The following DDX46 variants were observed in gnomAD, a reference collection of about 807,000 sequenced individuals.
The protein encoded by DDX46 is probable ATP-dependent RNA helicase DDX46.
In DDX46, 30 loss-of-function variants were observed where a neutral mutation model predicts 134.9. The ratio of observed to expected loss-of-function variants is 0.22; its 90% confidence interval spans 0.17 to 0.30. The LOEUF is 0.30. Ranked by LOEUF, DDX46 falls within the 10% of genes least tolerant of loss-of-function variation. DDX46 has a pLI of 1.00. For synonymous variants in DDX46, 415 were observed against 404.1 expected, an observed-to-expected ratio of 1.03 and a Z score of -0.32; for missense variants, 622 against 1,248.7, an observed-to-expected ratio of 0.50 and a Z score of 7.56.
intron 21 of DDX46, among the ~76,000 whole-genome samples, chr5:134,820,864 C>CTTTTTTTT (rs1180909732): frequency 1.6e-4 from 20 of 123,228 alleles, no homozygotes; most frequent in African/African-American, 5.6e-4. Context: ...CTTTTCTTTT[C>CTTTTTTTT]TTTTTTTTTT....
chr5:134,787,548 T>A (rs2150144409), intron 11 of DDX46, among the ~76,000 whole-genome samples: 1 of 152,362 alleles, frequency 6.6e-6, no homozygotes, highest in South Asian at 2.1e-4. Context: ...TCAAATTACT[T>A]CATTTTCTAA....
rs1445913239 is a variant in DDX46 at position 134,784,672 on chromosome 5, C to T, written c.1342+131C>T. The stretch of plus-strand genomic sequence containing the variant: ...ATGTACATTTTCTTTATCAATTTGG[C>T]ACTTTGGGGCTGATTTCCCCTTACC... On this transcript the variant is annotated intron_variant, in intron 10 of 22. Transcript: ENST00000452510. 1.2e-5 allele frequency: 12 copies of T among 988,136 alleles called. 1 individual carries two copies. The highest frequency in any genetic ancestry group is 1.7e-5 in the African/African-American group (1 of 59,912). The allele number at this position is 988,136 out of a possible 1,614,324, so 61.2% of individuals were successfully genotyped here. A position where few individuals can be genotyped will look rare whatever the true frequency, so the allele number is the denominator to read the frequency against.
chr5:134,811,583 G>C (rs746429997), intron 17 of DDX46, 113 bp from the exon 18 acceptor site: 28 of 1,212,644 alleles, frequency 2.3e-5, no homozygotes, highest in Non-Finnish European at 2.9e-5. Flanking sequence ...CATGCTAGAT[G>C]AAGTGTTTTT....
chr5:134,785,445 T>C lies in DDX46; in HGVS notation c.1343-20T>C. On this transcript the variant is annotated intron_variant, in intron 10 of 22. Coordinates refer to ENST00000452510, the MANE Select transcript of DDX46 (RefSeq NM_001300860.2). ...TTAAGAATTTTGGTGGTTAGGCTAC[T>C]GATGTATTTATCTTTCCAGCTGTCA... The C allele has an allele frequency of 6.2e-7, 1 of 1,609,368 alleles. No homozygotes were observed.
At chr5:134,780,324 CAG>C in intron 6 of DDX46, among the ~76,000 whole-genome samples, 1 of 150,282 alleles carries the variant, frequency 6.7e-6, no homozygotes, top group South Asian at 2.1e-4. Context: ...AGCACTTTTG[CAG>C]GGGCTGAGGT....
At chr5:134,804,924 T>C in intron 15 of DDX46, 1 of 348,248 alleles carries the variant, frequency 2.9e-6, no homozygotes. Flanking sequence ...TTTTTTTGTT[T>C]TGGACATTCA....
chr5:134,822,692 C>T (rs1035895167), intron 21 of DDX46, among the ~76,000 whole-genome samples: 1 of 152,098 alleles, frequency 6.6e-6, no homozygotes, highest in Non-Finnish European at 1.5e-5. Flanking sequence ...CCTCCCACCT[C>T]AGCCCCCCAT....
intron 19 of DDX46, 145 bp downstream of exon 19, chr5:134,816,751 G>C: frequency 1.2e-6 from 1 of 808,566 alleles, no homozygotes; most frequent in Non-Finnish European, 1.9e-6. Context: ...AGAATTTTTT[G>C]ATAATTGCAT....
chr5:134,784,019 CTT>C (rs1754256095), intron 9 of DDX46, among the ~76,000 whole-genome samples: 1 of 151,996 alleles, frequency 6.6e-6, no homozygotes. Flanking sequence ...CAAAAAGAAA[CTT>C]TTGTCCATTA....
intron 15 of DDX46, among the ~76,000 whole-genome samples, chr5:134,796,650 G>T (rs969428720): frequency 6.6e-6 from 1 of 150,634 alleles, no homozygotes; most frequent in Non-Finnish European, 1.5e-5. Context: ...GTCAGGAGTT[G>T]GAGACCAGTC....
intron 15 of DDX46, among the ~76,000 whole-genome samples, chr5:134,807,153 A>G (rs1013973226): frequency 6.9e-6 from 1 of 145,624 alleles, no homozygotes; most frequent in Non-Finnish European, 1.5e-5. Flanking sequence ...TCCCAGGTTC[A>G]GGCATGTGCC....
intron 9 of DDX46, 134 bp downstream of exon 9, chr5:134,783,199 T>G: frequency 8.1e-7 from 1 of 1,229,888 alleles, no homozygotes; most frequent in South Asian, 1.5e-5. Flanking sequence ...TTGAGATAAT[T>G]TATATATCAA....
intron 11 of DDX46, among the ~76,000 whole-genome samples, chr5:134,787,211 G>C (rs1039100679): frequency 6.6e-6 from 1 of 152,192 alleles, no homozygotes; most frequent in South Asian, 2.1e-4. Context: ...AGGTATAGAC[G>C]TGAGCCACTG....
chr5:134,796,819 C>T (rs1754666927), intron 15 of DDX46, among the ~76,000 whole-genome samples: 1 of 140,498 alleles, frequency 7.1e-6, no homozygotes, highest in Admixed American at 7.3e-5. Context: ...TGCCACTGCA[C>T]TCCACTCTGG....
intron 18 of DDX46, 60 bp from the exon 19 acceptor site, chr5:134,816,370 A>G: frequency 2.1e-6 from 3 of 1,448,390 alleles, no homozygotes; most frequent in Non-Finnish European, 2.8e-6. Flanking sequence ...TCTGTAGAAT[A>G]ACTTAATTTG....
intron 13 of DDX46, among the ~76,000 whole-genome samples, chr5:134,794,278 A>G (rs575295401): frequency 6.6e-6 from 1 of 152,288 alleles, no homozygotes; most frequent in South Asian, 2.1e-4. Context: ...GTTAACTGCT[A>G]CTGTGCTACC....
chr5:134,822,465 T>C (rs1205286465), intron 21 of DDX46, among the ~76,000 whole-genome samples: 1 of 151,130 alleles, frequency 6.6e-6, no homozygotes, highest in Non-Finnish European at 1.5e-5. Flanking sequence ...CCTGAACAGC[T>C]AGGACCACAG....
At chr5:134,768,561 C>T (rs1019761172) in intron 3 of DDX46, among the ~76,000 whole-genome samples, 1 of 150,786 alleles carries the variant, frequency 6.6e-6, no homozygotes, top group African/African-American at 2.5e-5. Context: ...CAGAGAGTAT[C>T]TTCTTCTTCA....
chr5:134,827,146 C>A, intron 22 of DDX46, 126 bp downstream of exon 22: 2 of 853,942 alleles, frequency 2.3e-6, no homozygotes, highest in Non-Finnish European at 3.5e-6. Flanking sequence ...AATAAGCATA[C>A]CAGTGTAGTC....
Sources: allele counts gnomAD v4.1 joint callset (sites outside exome capture counted in the v4.1 genomes callset), GRCh38; gene constraint gnomAD v4.1.1; transcripts MANE v1.5; gene names NCBI Gene and HGNC (gene_info 2026-07-23, HGNC 2026-07-21).